GREM2: variants seen among roughly 807,000 people sequenced by gnomAD.
GREM2 encodes gremlin-2.
GREM2 carries 11 observed loss-of-function variants against 14.2 expected under a neutral mutation model. That is an observed-to-expected ratio of 0.78 (90% CI 0.49 to 1.28). The LOEUF (loss-of-function observed/expected upper bound fraction) is 1.28. Among genes scored for constraint, GREM2 ranks in the 50% most tolerant of loss-of-function variants. The probability of loss-of-function intolerance (pLI) is 0.00; values close to 1 mark genes in which losing one functional copy is unlikely to be tolerated. For synonymous variants in GREM2, 98 were observed against 97.6 expected (o/e 1.00, Z -0.02); for missense variants, 210 against 218.5 (o/e 0.96, Z 0.24).
intron 1 of GREM2, among the ~76,000 whole-genome samples, chr1:240,505,663 T>A (rs1259864472): frequency 6.6e-6 from 1 of 151,770 alleles, no homozygotes; most frequent in African/African-American, 2.4e-5. Flanking sequence ...AAAAAATTAA[T>A]CCCCAAAATT....
intron 1 of GREM2, among the ~76,000 whole-genome samples, chr1:240,523,652 T>C (rs1269880690): frequency 6.6e-6 from 1 of 152,162 alleles, no homozygotes; most frequent in Non-Finnish European, 1.5e-5. Flanking sequence ...AGTTTTTTTG[T>C]TTTGTTTTGT....
At chr1:240,606,867 G>A (rs1210921384) in intron 1 of GREM2, among the ~76,000 whole-genome samples, 3 of 151,740 alleles carry the variant, frequency 2.0e-5, no homozygotes, top group Non-Finnish European at 2.9e-5. Context: ...TAGTAGAGAC[G>A]GGATTTCACC....
chr1:240,592,081 A>G (rs1360284529), intron 1 of GREM2, among the ~76,000 whole-genome samples: 4 of 152,158 alleles, frequency 2.6e-5, no homozygotes, highest in Non-Finnish European at 5.9e-5. Flanking sequence ...GCTGAGAGAC[A>G]CTCCATCTTG....
chr1:240,553,203 T>A (rs972714799), intron 1 of GREM2, among the ~76,000 whole-genome samples: 1 of 152,212 alleles, frequency 6.6e-6, no homozygotes, highest in Non-Finnish European at 1.5e-5. Context: ...CAACGGGTTT[T>A]ATCGAGAGCG....
intron 1 of GREM2, among the ~76,000 whole-genome samples, chr1:240,584,071 A>G (rs914028872): frequency 2.0e-5 from 3 of 152,312 alleles, no homozygotes; most frequent in South Asian, 4.1e-4. Context: ...TTCTGCATCA[A>G]TGGATTCAAC....
chr1:240,607,857 T>G (rs1449899424), intron 1 of GREM2, among the ~76,000 whole-genome samples: 1 of 152,222 alleles, frequency 6.6e-6, no homozygotes, highest in Non-Finnish European at 1.5e-5. Flanking sequence ...GTTATTGTTT[T>G]TGCATATGTG....
chr1:240,516,674 AAAC>A (rs1054545762), intron 1 of GREM2, among the ~76,000 whole-genome samples: 16 of 152,166 alleles, frequency 1.1e-4, no homozygotes, highest in African/African-American at 3.6e-4. Context: ...GTCTAGATTT[AAAC>A]AACAACAACA....
At chr1:240,554,959 C>T (rs572603863) in intron 1 of GREM2, among the ~76,000 whole-genome samples, 37 of 152,190 alleles carry the variant, frequency 2.4e-4, no homozygotes, top group African/African-American at 8.9e-4. Flanking sequence ...GCCTGGCCAA[C>T]ATGGTGAAAC....
At chr1:240,578,108 C>A (rs1299517774) in intron 1 of GREM2, among the ~76,000 whole-genome samples, 3 of 152,120 alleles carry the variant, frequency 2.0e-5, no homozygotes, top group Admixed American at 6.6e-5. Context: ...ATTCTACTCT[C>A]TGCCTTTGTA....
At chr1:240,529,098 C>A (rs1572384094) in intron 1 of GREM2, among the ~76,000 whole-genome samples, 2 of 152,194 alleles carry the variant, frequency 1.3e-5, no homozygotes, top group Admixed American at 1.3e-4. Context: ...CTATAAAGGG[C>A]TTGGGAAGGA....
chr1:240,534,351 C>G (rs1054566842), intron 1 of GREM2, among the ~76,000 whole-genome samples: 2 of 152,082 alleles, frequency 1.3e-5, no homozygotes, highest in Non-Finnish European at 2.9e-5. Flanking sequence ...TATGAGGAAC[C>G]CTGAAAGGGT....
At chr1:240,521,580 C>A (rs1039982748) in intron 1 of GREM2, among the ~76,000 whole-genome samples, 18 of 151,530 alleles carry the variant, frequency 1.2e-4, no homozygotes, top group Non-Finnish European at 2.1e-4. Flanking sequence ...CAAAAAAAAA[C>A]AAAAAAACAA....
chr1:240,493,169 A>C lies in GREM2; in HGVS notation c.307T>G (p.Ser103Ala), dbSNP rs770413234. The change falls in exon 2 of 2, where the codon TCC becomes GCC. Residue 103 changes from serine (S) to alanine (A), a missense_variant. Ser to Ala is a moderately conservative substitution (Grantham distance 99). Transcript: ENST00000318160. Reference protein sequence around the residue: ...LNRFCYGQCNSFYIPRHVKKE... With the variant: ...LNRFCYGQCNAFYIPRHVKKE... The stretch of plus-strand genomic sequence containing the variant: ...TTCACGTGCCGCGGGATGTAGAAGG[A>C]GTTGCACTGGCCGTAGCAGAAGCGG... The C allele has an allele frequency of 1.9e-6, 3 of 1,614,132 alleles. No individual in the cohort carries two copies. In the South Asian group the frequency reaches 3.3e-5, roughly 18 times the overall value.
At chr1:240,565,919 T>G (rs1480918000) in intron 1 of GREM2, among the ~76,000 whole-genome samples, 1 of 152,014 alleles carries the variant, frequency 6.6e-6, no homozygotes, top group Non-Finnish European at 1.5e-5. Flanking sequence ...TAAACTCAAT[T>G]ATTTTACAGT....
intron 1 of GREM2, among the ~76,000 whole-genome samples, chr1:240,558,020 T>C (rs1299754691): frequency 6.6e-6 from 1 of 152,174 alleles, no homozygotes; most frequent in Non-Finnish European, 1.5e-5. Context: ...GAATCATGCA[T>C]ACATATATAA....
At position 240,491,789 on chromosome 1, in the gene GREM2, C is replaced by T. The variant is rs1677257849; in HGVS notation, c.*1180G>A. 1 of 152,630 alleles carries T rather than the reference C, an allele frequency of 6.6e-6. No individual in the cohort carries two copies. Among genetic ancestry groups the T allele is most frequent in the East Asian group, 1.9e-4 (1 of 5,200 alleles). The allele number at this position is 152,630 out of a possible 1,614,324, so 9.5% of individuals were successfully genotyped here. On this transcript the variant is annotated 3_prime_UTR_variant, in exon 2 of 2. Coordinates refer to ENST00000318160, the MANE Select transcript of GREM2 (RefSeq NM_022469.4). ...GCAGTGAAAGTAGTATACGGTTTCA[C>T]CCCACATATGCATATTCCACATTAT...
At position 240,493,311 on chromosome 1, in the gene GREM2, G is replaced by A. The variant is rs775453155; in HGVS notation, c.165C>T (p.Ser55=). ...CGGTGACCACCAGGGCCTCCTGGCT[G>A]GAGGCCAGCACCTCCTTGATCTGGT... is the stretch of plus-strand genomic sequence containing the variant. ...WQHQIKEVLA[S]SQEALVVTER... Residue 55 remains serine (S), a synonymous_variant, in exon 2 of 2, where the codon TCC becomes TCT. Transcript: ENST00000318160. The A allele has an allele frequency of 1.2e-6, 2 of 1,614,068 alleles. No homozygotes were observed. Among genetic ancestry groups the A allele is most frequent in the East Asian group, 4.5e-5 (2 of 44,834 alleles).
chr1:240,557,351 A>T (rs1356180013), intron 1 of GREM2, among the ~76,000 whole-genome samples: 1 of 152,124 alleles, frequency 6.6e-6, no homozygotes, highest in African/African-American at 2.4e-5. Context: ...GTAAACTGAA[A>T]TACATTCCCA....
At chr1:240,606,083 G>T (rs189034818) in intron 1 of GREM2, among the ~76,000 whole-genome samples, 47 of 152,272 alleles carry the variant, frequency 3.1e-4, no homozygotes, top group African/African-American at 1.1e-3. Context: ...GTAGATGTGT[G>T]TGTTTAGAAT....
Sources: gnomAD v4.1 joint callset for allele counts (sites outside exome capture counted in the v4.1 genomes callset) on GRCh38, gnomAD v4.1.1 for gene constraint, MANE v1.5 for transcripts, NCBI Gene and HGNC (gene_info 2026-07-23, HGNC 2026-07-21) for gene names.